The following SEZ6L variants were observed in gnomAD, a reference collection of about 807,000 sequenced individuals.
SEZ6L encodes seizure 6-like protein.
SEZ6L carries 37 observed loss-of-function variants against 106.2 expected under a neutral mutation model. That is an observed-to-expected ratio of 0.35 (90% CI 0.27 to 0.46). The LOEUF is 0.46. SEZ6L is among the 20% of genes least tolerant of loss of function. The pLI, the probability that SEZ6L is intolerant of heterozygous loss-of-function variation, is 1.00. For missense variants in SEZ6L, 1,172 were observed against 1,332.8 expected (o/e 0.88, Z 1.88); for synonymous variants, 541 against 570.4 (o/e 0.95, Z 0.73).
At chr22:26,341,228 G>A (rs1429726783) in intron 10 of SEZ6L, among the ~76,000 whole-genome samples, 2 of 151,516 alleles carry the variant, frequency 1.3e-5, no homozygotes, top group African/African-American at 4.9e-5. Flanking sequence ...CCTCAATGTG[G>A]CCTCCAAACC....
chr22:26,235,603 A>G (rs2078933317), intron 1 of SEZ6L, among the ~76,000 whole-genome samples: 1 of 152,150 alleles, frequency 6.6e-6, no homozygotes, highest in Admixed American at 6.5e-5. Context: ...GGATGAGGTG[A>G]TAAATAGACA....
chr22:26,311,869 G>A lies in SEZ6L; in HGVS notation c.1783G>A (p.Asp595Asn), dbSNP rs768547272. 3.7e-6 allele frequency: 6 copies of A among 1,614,122 alleles called. No homozygotes were observed. Among genetic ancestry groups the A allele is most frequent in the Middle Eastern group, 1.6e-4 (1 of 6,062 alleles). Residue 595 changes from aspartate (D) to asparagine (N), a missense_variant, in exon 8 of 17, where the codon GAC becomes AAC. Coordinates refer to ENST00000248933, the MANE Select transcript of SEZ6L (RefSeq NM_021115.5). Reference sequence around the variant, plus strand: ...TGGGACTATAGTGGAGTTCACCTGCGACCCCGGCCACTCCCTGGAGCAGGG... The same window carrying A: ...TGGGACTATAGTGGAGTTCACCTGCAACCCCGGCCACTCCCTGGAGCAGGG... The part of the protein sequence containing the change: ...NIGTIVEFTC[D>N]PGHSLEQGPA...
At chr22:26,326,110 G>T in intron 9 of SEZ6L, among the ~76,000 whole-genome samples, 1 of 152,298 alleles carries the variant, frequency 6.6e-6, no homozygotes, top group East Asian at 1.9e-4. Context: ...AAGCACCAGG[G>T]TTAGGTCCTC....
Position 26,342,543 on chromosome 22 carries a change from A to C in SEZ6L, c.2212+1911A>C, listed in dbSNP as rs529622719. On this transcript the variant is annotated intron_variant, in intron 10 of 16. Coordinates refer to ENST00000248933, the MANE Select transcript of SEZ6L (RefSeq NM_021115.5). ...TCTCTACTAAAAATACAAAAAAAAA[A>C]ACATTAGCTGGGTGTGGTGGCAGGC... Among the ~76,000 whole-genome samples the C allele has an allele frequency of 1.6e-4, 25 of 151,586 alleles. No homozygotes were observed. In the East Asian group the frequency reaches 4.7e-3, roughly 28 times the overall value.
intron 1 of SEZ6L, among the ~76,000 whole-genome samples, chr22:26,196,449 A>T (rs563032403): frequency 6.6e-6 from 1 of 152,336 alleles, no homozygotes; most frequent in African/African-American, 2.4e-5. Flanking sequence ...ACTAAGGCCA[A>T]TGTAGCTGGA....
At position 26,382,122 on chromosome 22, in the gene SEZ6L, G is replaced by A; in HGVS notation, c.*1827G>A. 1 of 499,944 alleles carries A rather than the reference G, an allele frequency of 2.0e-6. No homozygotes were observed. Among genetic ancestry groups the A allele is most frequent in the Non-Finnish European group, 4.0e-6 (1 of 250,858 alleles). The allele number at this position is 499,944 out of a possible 1,614,324, so 31.0% of individuals were successfully genotyped here. A position where few individuals can be genotyped will look rare whatever the true frequency, so the allele number is the denominator to read the frequency against. ...CACATATACTCCTGAAGGCATGAGT[G>A]TGTGGTCCATGGCAAGAAATAGCTA... On this transcript the variant is annotated 3_prime_UTR_variant, in exon 17 of 17. Transcript: ENST00000248933.
intron 1 of SEZ6L, among the ~76,000 whole-genome samples, chr22:26,246,976 C>T (rs1002001930): frequency 2.9e-4 from 44 of 152,108 alleles, no homozygotes; most frequent in Admixed American, 9.8e-4. Flanking sequence ...GTGCTGAGTG[C>T]GAACGTGCTT....
intron 1 of SEZ6L, among the ~76,000 whole-genome samples, chr22:26,267,733 T>C (rs889262976): frequency 1.3e-5 from 2 of 152,158 alleles, no homozygotes. Context: ...CACAGAATAG[T>C]GAATTTGGGC....
chr22:26,189,648 G>T (rs1185910753), intron 1 of SEZ6L, among the ~76,000 whole-genome samples: 1 of 152,122 alleles, frequency 6.6e-6, no homozygotes, highest in Admixed American at 6.5e-5. Flanking sequence ...TAAATTGTAT[G>T]AGATGATGTG....
intron 13 of SEZ6L, among the ~76,000 whole-genome samples, chr22:26,369,338 G>GTTTTTTTTT (rs1421215614): frequency 1.2e-5 from 1 of 83,618 alleles, no homozygotes; most frequent in Admixed American, 1.3e-4. Flanking sequence ...TATATAAGCA[G>GTTTTTTTTT]TTCTTTTGTT....
At chr22:26,297,170 C>T (rs1320169289) in intron 4 of SEZ6L, 90 bp downstream of exon 4, 2 of 1,082,598 alleles carry the variant, frequency 1.8e-6, no homozygotes, top group Admixed American at 6.1e-5. Flanking sequence ...TGCCAGGGAC[C>T]TCTCTGACAG....
chr22:26,174,123 G>A (rs1200075488), intron 1 of SEZ6L, among the ~76,000 whole-genome samples: 4 of 152,128 alleles, frequency 2.6e-5, no homozygotes, highest in Non-Finnish European at 4.4e-5. Flanking sequence ...ACTACCATCC[G>A]TGCCATGTGG....
At chr22:26,193,453 T>C (rs1940373642) in intron 1 of SEZ6L, among the ~76,000 whole-genome samples, 2 of 152,230 alleles carry the variant, frequency 1.3e-5, no homozygotes, top group Admixed American at 1.3e-4. Flanking sequence ...TGGCCCAATG[T>C]GGTTCTGCTA....
chr22:26,208,501 A>C (rs1941404760), intron 1 of SEZ6L, among the ~76,000 whole-genome samples: 1 of 152,210 alleles, frequency 6.6e-6, no homozygotes, highest in South Asian at 2.1e-4. Context: ...AAAACTTTAA[A>C]GCTATTAGTT....
chr22:26,277,833 A>G (rs536432140), intron 1 of SEZ6L, among the ~76,000 whole-genome samples: 1 of 152,320 alleles, frequency 6.6e-6, no homozygotes, highest in Admixed American at 6.5e-5. Context: ...GTCCTCGAGA[A>G]ACTTCCTCCT....
chr22:26,240,309 G>C (rs1297887296), intron 1 of SEZ6L, among the ~76,000 whole-genome samples: 2 of 151,878 alleles, frequency 1.3e-5, no homozygotes, highest in African/African-American at 2.4e-5. Flanking sequence ...CCATTCATCA[G>C]GTACGTCCCA....
chr22:26,367,710 A>G (rs2083868912), intron 13 of SEZ6L, among the ~76,000 whole-genome samples: 1 of 152,086 alleles, frequency 6.6e-6, no homozygotes, highest in East Asian at 1.9e-4. Flanking sequence ...ACAACCAGTT[A>G]GTTCCCATGG....
chr22:26,251,950 C>A lies in SEZ6L; in HGVS notation c.95-40456C>A, dbSNP rs556142349. On this transcript the variant is annotated intron_variant, in intron 1 of 16. Transcript: ENST00000248933. Reference sequence around the variant, plus strand: ...GGATACCTTTGGAATCCTGAGATCACCCCCACCCCACCCCTATTTAAACTC... The same window carrying A: ...GGATACCTTTGGAATCCTGAGATCAACCCCACCCCACCCCTATTTAAACTC... 1.2e-4 allele frequency among the ~76,000 whole-genome samples: 19 copies of A among 152,250 alleles called. No individual in the cohort carries two copies. In the East Asian group the frequency reaches 3.1e-3, roughly 25 times the overall value.
At chr22:26,339,237 A>G (rs1229665851) in intron 9 of SEZ6L, among the ~76,000 whole-genome samples, 1 of 152,158 alleles carries the variant, frequency 6.6e-6, no homozygotes. Flanking sequence ...CTCATAGTAG[A>G]TGCTCAAAAA....
Sources: allele counts gnomAD v4.1 joint callset (sites outside exome capture counted in the v4.1 genomes callset), GRCh38; gene constraint gnomAD v4.1.1; transcripts MANE v1.5; gene names NCBI Gene and HGNC (gene_info 2026-07-23, HGNC 2026-07-21).